The following AUTS2 variants were observed in gnomAD, a reference collection of about 807,000 sequenced individuals.
AUTS2 encodes activator of transcription and developmental regulator AUTS2, also known as autism susceptibility gene 2 protein.
Under a neutral mutation model 112.4 loss-of-function variants are expected in AUTS2, and 17 were observed. The ratio of observed to expected loss-of-function variants is 0.15; its 90% CI spans 0.10 to 0.23. The LOEUF is 0.23. Among genes scored for constraint, AUTS2 ranks in the 10% least tolerant of loss-of-function variants. The pLI is 1.00. For synonymous variants in AUTS2, 751 were observed against 702.7 expected (o/e 1.07, Z -1.09); for missense variants, 1,510 against 1,701.6 (o/e 0.89, Z 1.98).
chr7:69,976,869 A>AT (rs1195242980), intron 2 of AUTS2, among the ~76,000 whole-genome samples: 1 of 152,024 alleles, frequency 6.6e-6, no homozygotes, highest in Non-Finnish European at 1.5e-5. Flanking sequence ...GTTTGGAAAC[A>AT]TTTTTTCCCA....
chr7:70,476,047 A>T (rs1388287173), intron 5 of AUTS2, among the ~76,000 whole-genome samples: 1 of 152,106 alleles, frequency 6.6e-6, no homozygotes, highest in Non-Finnish European at 1.5e-5. Context: ...AAAAAAAGAT[A>T]AAAAAAGCAA....
At chr7:70,493,811 T>C (rs1234984372) in intron 5 of AUTS2, among the ~76,000 whole-genome samples, 1 of 152,160 alleles carries the variant, frequency 6.6e-6, no homozygotes, top group Non-Finnish European at 1.5e-5. Context: ...AAAAAAGATA[T>C]TTATTTTATA....
chr7:70,203,532 C>T (rs999150383), intron 4 of AUTS2, among the ~76,000 whole-genome samples: 2 of 147,776 alleles, frequency 1.4e-5, no homozygotes, highest in Admixed American at 1.4e-4. Flanking sequence ...ATAATTAGGA[C>T]TAACAGATTT....
chr7:70,490,705 T>G (rs1562989366), intron 5 of AUTS2, among the ~76,000 whole-genome samples: 1 of 152,182 alleles, frequency 6.6e-6, no homozygotes, highest in Non-Finnish European at 1.5e-5. Context: ...TAAGTCAATC[T>G]GATAGATCTG....
intron 4 of AUTS2, among the ~76,000 whole-genome samples, chr7:70,430,821 G>C (rs1348842444): frequency 1.4e-5 from 2 of 146,378 alleles, no homozygotes; most frequent in African/African-American, 5.0e-5. Context: ...GCAGATTGCA[G>C]TGTCGCCTTT....
intron 5 of AUTS2, among the ~76,000 whole-genome samples, chr7:70,492,524 A>C (rs1017118126): frequency 5.9e-5 from 9 of 152,188 alleles, no homozygotes; most frequent in African/African-American, 1.7e-4. Context: ...CTGTATCCTT[A>C]CCACAAGTCT....
intron 4 of AUTS2, chr7:70,291,208 T>A (rs1247441739): frequency 6.6e-6 from 1 of 152,180 alleles, no homozygotes; most frequent in Non-Finnish European, 1.5e-5. Flanking sequence ...CTTTTGTAGT[T>A]CCTATGTTTA....
intron 2 of AUTS2, among the ~76,000 whole-genome samples, chr7:69,969,426 G>A (rs553693130): frequency 2.0e-5 from 3 of 152,214 alleles, no homozygotes; most frequent in Admixed American, 6.5e-5. Context: ...AAGGATATTC[G>A]TCTTGATTTT....
chr7:70,430,092 C>G lies in AUTS2; in HGVS notation c.661-5660C>G, dbSNP rs563496192. On this transcript the variant is annotated intron_variant, in intron 4 of 18. Coordinates refer to ENST00000342771, the MANE Select transcript of AUTS2 (RefSeq NM_015570.4). ...ATGACAAAATAAAACCCTGAACTAA[C>G]GCAGTAGCCATGGCCACAGGGATGG... is the stretch of plus-strand genomic sequence containing the variant. 2.0e-5 allele frequency among the ~76,000 whole-genome samples: 3 copies of G among 152,268 alleles called. No homozygotes were observed. In the East Asian group the frequency reaches 5.8e-4, roughly 29 times the overall value.
rs192439391 is a variant in AUTS2, at chr7:69,823,722, A to C, written c.310-75564A>C. Among the ~76,000 whole-genome samples the C allele has an allele frequency of 2.6e-5, 4 of 152,280 alleles. No individual in the cohort carries two copies. The East Asian group carries it at 7.7e-4, about 29-fold the overall frequency. ...ATGACATTGATTTTTCTGTGCACAT[A>C]AAAGGAAGCACTTACTGAATACAGG... On this transcript the variant is annotated intron_variant, in intron 1 of 18. Coordinates refer to ENST00000342771, the MANE Select transcript of AUTS2 (RefSeq NM_015570.4).
intron 1 of AUTS2, among the ~76,000 whole-genome samples, chr7:69,820,146 A>G (rs1027862908): frequency 3.3e-5 from 5 of 152,164 alleles, no homozygotes; most frequent in African/African-American, 1.2e-4. Context: ...CGGCTCCCAC[A>G]GTGGCAGTAC....
At chr7:70,571,920 C>A (rs1801958795) in intron 5 of AUTS2, among the ~76,000 whole-genome samples, 1 of 152,148 alleles carries the variant, frequency 6.6e-6, no homozygotes, top group Non-Finnish European at 1.5e-5. Flanking sequence ...ACGATCCAGT[C>A]CGGTGCAGAG....
intron 5 of AUTS2, among the ~76,000 whole-genome samples, chr7:70,622,304 T>G (rs1399256157): frequency 6.6e-6 from 1 of 152,220 alleles, no homozygotes; most frequent in Non-Finnish European, 1.5e-5. Flanking sequence ...CTGAGGGGCC[T>G]GCCGTTGTCC....
chr7:70,512,793 T>C (rs1183644625), intron 5 of AUTS2, among the ~76,000 whole-genome samples: 3 of 152,042 alleles, frequency 2.0e-5, no homozygotes. Flanking sequence ...GAGGAAATTT[T>C]TTTTTAACTT....
chr7:70,169,294 G>A (rs1808547078), intron 4 of AUTS2, among the ~76,000 whole-genome samples: 1 of 151,922 alleles, frequency 6.6e-6, no homozygotes. Context: ...AGGCTGAAGT[G>A]CAGTGTCGCG....
chr7:70,090,840 G>A (rs1025938502), intron 2 of AUTS2, among the ~76,000 whole-genome samples: 4 of 151,232 alleles, frequency 2.6e-5, no homozygotes, highest in African/African-American at 7.3e-5. Context: ...CACCATGCCC[G>A]GCTAATTTTT....
intron 4 of AUTS2, among the ~76,000 whole-genome samples, chr7:70,176,538 A>AT (rs1384090397): frequency 6.6e-6 from 1 of 152,236 alleles, no homozygotes; most frequent in African/African-American, 2.4e-5. Context: ...ATGAAGTTGA[A>AT]TATTAGGAAT....
chr7:70,532,872 C>G (rs1468136423), intron 5 of AUTS2, among the ~76,000 whole-genome samples: 1 of 152,344 alleles, frequency 6.6e-6, no homozygotes, highest in East Asian at 1.9e-4. Context: ...GGGTTCAACT[C>G]AGTAATTGAT....
chr7:70,310,973 C>G, intron 4 of AUTS2, among the ~76,000 whole-genome samples: 1 of 152,020 alleles, frequency 6.6e-6, no homozygotes, highest in East Asian at 1.9e-4. Context: ...TTGTTTAAAA[C>G]TGAAGATCAC....
Sources: allele counts gnomAD v4.1 joint callset (sites outside exome capture counted in the v4.1 genomes callset), GRCh38; gene constraint gnomAD v4.1.1; transcripts MANE v1.5; gene names NCBI Gene and HGNC (gene_info 2026-07-23, HGNC 2026-07-21).